The following SEMA3D variants were observed in gnomAD, a reference collection of about 807,000 sequenced individuals.
SEMA3D encodes semaphorin-3D.
Under a neutral mutation model 100.1 loss-of-function variants are expected in SEMA3D, and 84 were observed. The observed-to-expected ratio is 0.84, with a 90% CI of 0.70 to 1.01. The LOEUF is 1.01. Among genes scored for constraint, SEMA3D ranks in the 50% least tolerant of loss-of-function variants. The pLI is 0.00. For synonymous variants in SEMA3D, 312 were observed against 320.7 expected (o/e 0.97, Z 0.29); for missense variants, 875 against 934.1 (o/e 0.94, Z 0.82).
At chr7:85,234,141 A>C in the SEMA3D span, among the ~76,000 whole-genome samples, 1 of 152,234 alleles carries the variant, frequency 6.6e-6, no homozygotes, top group Non-Finnish European at 1.5e-5. Flanking sequence ...AAAACAAAAC[A>C]GCTTCCACTG....
chr7:85,023,561 A>G (rs1382155191), intron 12 of SEMA3D, among the ~76,000 whole-genome samples: 1 of 151,904 alleles, frequency 6.6e-6, no homozygotes, highest in African/African-American at 2.4e-5. Flanking sequence ...AATGATTGAC[A>G]GTAAGGACAG....
At chr7:85,036,190 A>G (rs1022329594) in intron 12 of SEMA3D, among the ~76,000 whole-genome samples, 1 of 152,068 alleles carries the variant, frequency 6.6e-6, no homozygotes, top group African/African-American at 2.4e-5. Context: ...AATAACTTAA[A>G]CTGTCATAAT....
At chr7:85,168,335 A>G (rs934285636) in intron 1 of SEMA3D, among the ~76,000 whole-genome samples, 2 of 151,856 alleles carry the variant, frequency 1.3e-5, no homozygotes, top group Non-Finnish European at 2.9e-5. Context: ...AGCAAATACT[A>G]CTTAACTTTT....
At chr7:85,010,174 C>T (rs983618400) in intron 17 of SEMA3D, among the ~76,000 whole-genome samples, 1 of 151,572 alleles carries the variant, frequency 6.6e-6, no homozygotes, top group Non-Finnish European at 1.5e-5. Context: ...AGGCAGCAAC[C>T]CATTGATGCT....
chr7:85,058,734 C>T (rs1435536551), intron 8 of SEMA3D, among the ~76,000 whole-genome samples: 5 of 118,818 alleles, frequency 4.2e-5, no homozygotes, highest in Non-Finnish European at 6.5e-5. Flanking sequence ...GGCGACAGAG[C>T]GAGACTCCAC....
intron 3 of SEMA3D, among the ~76,000 whole-genome samples, chr7:85,116,554 T>C (rs1446829659): frequency 6.6e-6 from 1 of 151,462 alleles, no homozygotes; most frequent in Non-Finnish European, 1.5e-5. Flanking sequence ...ATATATTTTG[T>C]GAATATTTTG....
chr7:85,046,339 C>T (rs1791008308), intron 9 of SEMA3D, among the ~76,000 whole-genome samples: 1 of 151,724 alleles, frequency 6.6e-6, no homozygotes, highest in South Asian at 2.1e-4. Context: ...CAGAATAATC[C>T]CATCTAGATT....
intron 9 of SEMA3D, among the ~76,000 whole-genome samples, chr7:85,044,688 C>T (rs558858568): frequency 6.6e-6 from 1 of 151,996 alleles, no homozygotes; most frequent in African/African-American, 2.4e-5. Context: ...TGGAGGCTTA[C>T]TATCCACACA....
At chr7:85,231,523 T>C in the SEMA3D span, among the ~76,000 whole-genome samples, 1 of 142,508 alleles carries the variant, frequency 7.0e-6, no homozygotes, top group Non-Finnish European at 1.5e-5. Flanking sequence ...CGATCTCGGC[T>C]CACTGCAAGC....
intron 2 of SEMA3D, among the ~76,000 whole-genome samples, chr7:85,126,833 T>A (rs959196815): frequency 1.3e-5 from 2 of 152,122 alleles, no homozygotes; most frequent in Non-Finnish European, 2.9e-5. Flanking sequence ...ATTCCATTGA[T>A]CAAGTGCAAT....
chr7:85,219,847 G>T, the SEMA3D span, among the ~76,000 whole-genome samples: 6 of 152,140 alleles, frequency 3.9e-5, no homozygotes, highest in South Asian at 1.2e-3. Context: ...TCAATAAAAA[G>T]TTATTGTGTG....
chr7:85,142,106 G>A lies in SEMA3D; in HGVS notation c.-41+11502C>T, dbSNP rs931946577. 1.2e-5 allele frequency: 12 copies of A among 983,318 alleles called. No homozygotes were observed. In the African/African-American group the frequency reaches 1.9e-4, roughly 16 times the overall value. The allele number at this position is 983,318 out of a possible 1,614,324, so 60.9% of individuals were successfully genotyped here. On this transcript the variant is annotated intron_variant, in intron 2 of 18. Transcript: ENST00000284136. ...GAAGTTGGCAATGCATTTTAGTTTT[G>A]ATGTATTAAAATTTCTAAGCAATTA...
chr7:85,236,263 G>GTATTTTATTTTATTT, the SEMA3D span, among the ~76,000 whole-genome samples: 1 of 142,226 alleles, frequency 7.0e-6, no homozygotes, highest in African/African-American at 2.9e-5. Flanking sequence ...AGATGATTTA[G>GTATTTTATTTTATTT]TATTTTATTT....
At chr7:85,081,123 T>C (rs1480934129) in intron 5 of SEMA3D, among the ~76,000 whole-genome samples, 2 of 152,168 alleles carry the variant, frequency 1.3e-5, no homozygotes, top group Non-Finnish European at 2.9e-5. Context: ...GTATCAATTC[T>C]GTTTGTGATG....
rs1789481339 is a variant in SEMA3D at position 84,995,728 on chromosome 7, A to G, written c.*3712T>C. The stretch of plus-strand genomic sequence containing the variant: ...AATACCAGAATTAAATTACATGATT[A>G]ACTAGGGCATCTGACACATTTTGCC... On this transcript the variant is annotated 3_prime_UTR_variant, in exon 19 of 19. Transcript: ENST00000284136. 1 of 152,058 alleles carries G rather than the reference A, an allele frequency of 6.6e-6. No homozygotes were observed. The highest frequency in any genetic ancestry group is 2.1e-4 in the South Asian group (1 of 4,830). 9.4% of individuals were successfully genotyped at this position (152,058 alleles called of 1,614,324 possible).
At chr7:85,242,209 C>T in the SEMA3D span, among the ~76,000 whole-genome samples, 34 of 152,038 alleles carry the variant, frequency 2.2e-4, no homozygotes, top group East Asian at 9.7e-4. Context: ...TTATCTTCTT[C>T]GGCTTACATT....
chr7:85,073,615 T>A (rs146298181), intron 5 of SEMA3D, among the ~76,000 whole-genome samples: 1 of 152,302 alleles, frequency 6.6e-6, no homozygotes, highest in East Asian at 1.9e-4. Context: ...TGTTACCACA[T>A]AATTTATACC....
At chr7:85,086,950 G>A (rs564144947) in intron 4 of SEMA3D, among the ~76,000 whole-genome samples, 77 of 152,242 alleles carry the variant, frequency 5.1e-4, no homozygotes, top group Non-Finnish European at 8.4e-4. Flanking sequence ...TCTATTAAAA[G>A]TCAGCCCTCA....
chr7:85,028,869 T>G (rs917323441), intron 12 of SEMA3D: 4 of 241,308 alleles, frequency 1.7e-5, no homozygotes, highest in Non-Finnish European at 3.4e-5. Context: ...CAAGATTTAG[T>G]AGCTTCTCCA....
Sources: gnomAD v4.1 joint callset for allele counts (sites outside exome capture counted in the v4.1 genomes callset) on GRCh38, gnomAD v4.1.1 for gene constraint, MANE v1.5 for transcripts, NCBI Gene and HGNC (gene_info 2026-07-23, HGNC 2026-07-21) for gene names.